Variants in ADCY2 observed in about 807,000 individuals in gnomAD.
The protein encoded by ADCY2 is adenylate cyclase 2, also known as adenylate cyclase type 2.
A neutral mutation model predicts 125.2 loss-of-function variants in ADCY2; 31 were observed. The ratio of observed to expected loss-of-function variants is 0.25; its 90% confidence interval spans 0.19 to 0.33. ADCY2 has a LOEUF of 0.33. ADCY2 is among the 10% of genes least tolerant of loss of function. The probability of loss-of-function intolerance (pLI) is 1.00; values close to 1 mark genes in which losing one functional copy is unlikely to be tolerated. For synonymous variants in ADCY2, 512 were observed against 548.4 expected (o/e 0.93, Z 0.93); for missense variants, 904 against 1,418.2 (o/e 0.64, Z 5.82).
intron 20 of ADCY2, chr5:7,796,856 C>T (rs1190665284): frequency 6.6e-6 from 1 of 152,250 alleles, no homozygotes; most frequent in East Asian, 1.9e-4. Flanking sequence ...CAGCTCTCAT[C>T]ACTTGGGGAG....
chr5:7,472,079 A>G (rs1339998738), intron 2 of ADCY2, among the ~76,000 whole-genome samples: 3 of 152,054 alleles, frequency 2.0e-5, no homozygotes, highest in Non-Finnish European at 4.4e-5. Flanking sequence ...GGTTGTATTT[A>G]CGGCTTGACA....
At chr5:7,624,722 C>A (rs1255226755) in intron 3 of ADCY2, among the ~76,000 whole-genome samples, 1 of 152,208 alleles carries the variant, frequency 6.6e-6, no homozygotes, top group Non-Finnish European at 1.5e-5. Flanking sequence ...GTTCCAGCCA[C>A]TCCTGCTCAC....
chr5:7,610,871 T>C (rs890393063), intron 3 of ADCY2, among the ~76,000 whole-genome samples: 1 of 152,220 alleles, frequency 6.6e-6, no homozygotes. Context: ...TCAAATTTGA[T>C]CTAAATAAAG....
chr5:7,406,413 A>AG (rs1739491793), intron 1 of ADCY2, among the ~76,000 whole-genome samples: 1 of 152,190 alleles, frequency 6.6e-6, no homozygotes, highest in Non-Finnish European at 1.5e-5. Context: ...GGATAACCAC[A>AG]GTAAACCCTT....
chr5:7,690,903 G>T, intron 5 of ADCY2, 64 bp downstream of exon 5: 1 of 1,427,502 alleles, frequency 7.0e-7, no homozygotes, highest in South Asian at 1.7e-5. Flanking sequence ...CATTTTGCCT[G>T]GGATCTCACA....
chr5:7,402,023 A>T (rs1268636660), intron 1 of ADCY2, among the ~76,000 whole-genome samples: 1 of 152,206 alleles, frequency 6.6e-6, no homozygotes, highest in Non-Finnish European at 1.5e-5. Context: ...TGTGATTGAC[A>T]TCACCCTGGA....
intron 4 of ADCY2, among the ~76,000 whole-genome samples, chr5:7,673,022 C>T (rs1269271768): frequency 6.6e-6 from 1 of 151,830 alleles, no homozygotes; most frequent in Non-Finnish European, 1.5e-5. Context: ...AGAGGACATG[C>T]CTCCTTGGAA....
At chr5:7,484,307 T>C (rs1742845071) in intron 2 of ADCY2, among the ~76,000 whole-genome samples, 1 of 152,166 alleles carries the variant, frequency 6.6e-6, no homozygotes, top group African/African-American at 2.4e-5. Flanking sequence ...AGAAAATGGA[T>C]TAGGGAAAAA....
At chr5:7,726,101 C>T (rs762377381) in intron 13 of ADCY2, among the ~76,000 whole-genome samples, 2 of 152,184 alleles carry the variant, frequency 1.3e-5, no homozygotes, top group Non-Finnish European at 2.9e-5. Context: ...AGGCTAAAAT[C>T]CCAGAAATAC....
chr5:7,526,995 C>G (rs991170589), intron 3 of ADCY2, among the ~76,000 whole-genome samples: 1 of 152,138 alleles, frequency 6.6e-6, no homozygotes, highest in Non-Finnish European at 1.5e-5. Flanking sequence ...AAAAATTTTA[C>G]TTATATCATA....
chr5:7,510,212 A>C (rs1192364430), intron 2 of ADCY2, among the ~76,000 whole-genome samples: 1 of 152,226 alleles, frequency 6.6e-6, no homozygotes, highest in Non-Finnish European at 1.5e-5. Context: ...AGAAATAGAA[A>C]CTAGTAACCA....
intron 14 of ADCY2, among the ~76,000 whole-genome samples, chr5:7,741,657 TATC>T (rs763572185): frequency 6.8e-3 from 102 of 14,960 alleles, no homozygotes; most frequent in African/African-American, 0.013. Context: ...CCATCCTCAT[TATC>T]ATCATCATCA....
intron 3 of ADCY2, among the ~76,000 whole-genome samples, chr5:7,530,658 T>C (rs1734609787): frequency 6.6e-6 from 1 of 152,128 alleles, no homozygotes; most frequent in Non-Finnish European, 1.5e-5. Context: ...ACTCTCTGCC[T>C]GAAATTCCTG....
intron 3 of ADCY2, among the ~76,000 whole-genome samples, chr5:7,558,832 T>C (rs1356916977): frequency 3.9e-5 from 6 of 152,232 alleles, no homozygotes; most frequent in Admixed American, 3.9e-4. Flanking sequence ...CATTTAAGTC[T>C]TTAATGCATC....
chr5:7,705,029 C>G (rs1206198077), intron 7 of ADCY2, among the ~76,000 whole-genome samples: 1 of 152,196 alleles, frequency 6.6e-6, no homozygotes, highest in Non-Finnish European at 1.5e-5. Context: ...GTCTGAGACT[C>G]CTTTTTCCTC....
chr5:7,805,757 A>G (rs1744741158), intron 22 of ADCY2, among the ~76,000 whole-genome samples: 1 of 152,232 alleles, frequency 6.6e-6, no homozygotes, highest in South Asian at 2.1e-4. Context: ...TCCCTCTTCC[A>G]GGAATATCAT....
At chr5:7,425,675 C>G in intron 2 of ADCY2, among the ~76,000 whole-genome samples, 1 of 152,204 alleles carries the variant, frequency 6.6e-6, no homozygotes, top group African/African-American at 2.4e-5. Context: ...ATTATTTTCA[C>G]TCAAGTCGTA....
intron 3 of ADCY2, among the ~76,000 whole-genome samples, chr5:7,529,024 AT>A (rs1326738239): frequency 6.6e-6 from 1 of 152,204 alleles, no homozygotes; most frequent in Admixed American, 6.5e-5. Flanking sequence ...ACTGAAGAGA[AT>A]CATATATCTG....
intron 3 of ADCY2, among the ~76,000 whole-genome samples, chr5:7,569,089 G>T (rs1467202213): frequency 1.3e-5 from 2 of 152,130 alleles, no homozygotes; most frequent in East Asian, 3.9e-4. Flanking sequence ...CATCATGCAG[G>T]ATCCATATGG....
Sources: gnomAD v4.1 joint callset for allele counts (sites outside exome capture counted in the v4.1 genomes callset) on GRCh38, gnomAD v4.1.1 for gene constraint, MANE v1.5 for transcripts, NCBI Gene and HGNC (gene_info 2026-07-23, HGNC 2026-07-21) for gene names.